The following EYS variants were observed in gnomAD, a reference collection of about 807,000 sequenced individuals.
EYS encodes the protein protein eyes shut homolog.
A neutral mutation model predicts 282.1 loss-of-function variants in EYS; 250 were observed. The ratio of observed to expected loss-of-function variants is 0.89; its 90% CI spans 0.80 to 0.98. The LOEUF is 0.98. Ranked by LOEUF, EYS falls within the 50% of genes least tolerant of loss-of-function variation. EYS has a pLI of 0.00. For synonymous variants in EYS, 1,355 were observed against 1,282.9 expected, an observed-to-expected ratio of 1.06 and a Z score of -1.20; for missense variants, 4,016 against 3,709.0, an observed-to-expected ratio of 1.08 and a Z score of -2.15.
At chr6:65,167,901 T>C (rs1765012548) in intron 12 of EYS, among the ~76,000 whole-genome samples, 1 of 151,418 alleles carries the variant, frequency 6.6e-6, no homozygotes, top group Non-Finnish European at 1.5e-5. Context: ...TTTGGTGTTA[T>C]GTTTCTATAT....
At chr6:64,568,149 A>G (rs1401624311) in intron 26 of EYS, among the ~76,000 whole-genome samples, 1 of 152,230 alleles carries the variant, frequency 6.6e-6, no homozygotes, top group Non-Finnish European at 1.5e-5. Context: ...TCTTCAACTG[A>G]ACACTGATCA....
At position 63,864,311 on chromosome 6, in the gene EYS, T is replaced by C. The variant is rs2149709736; in HGVS notation, c.7103A>G (p.Lys2368Arg). ...FCECPRLYSG[K>R]LCQFASCENN... The stretch of plus-strand genomic sequence containing the variant: ...TTCACAACTTGCAAACTGGCACAGC[T>C]TGCCTGAATACAGCCTTGGACACTC... The change falls in exon 36 of 43, where the codon AAG becomes AGG. Residue 2368 changes from lysine to arginine, a missense_variant. Coordinates refer to ENST00000503581, the MANE Select transcript of EYS (RefSeq NM_001142800.2). 4 of 1,551,734 alleles carry C rather than the reference T, an allele frequency of 2.6e-6. No homozygotes were observed. The highest frequency in any genetic ancestry group is 3.5e-6 in the Non-Finnish European group (4 of 1,146,948).
chr6:63,727,129 A>T (rs1207842465), intron 41 of EYS, among the ~76,000 whole-genome samples: 2 of 152,060 alleles, frequency 1.3e-5, no homozygotes, highest in African/African-American at 4.8e-5. Context: ...TTGAGTCAGG[A>T]TATATTATAA....
chr6:63,732,245 A>G lies in EYS; in HGVS notation c.8072-5565T>C, dbSNP rs541650821. 7.2e-5 allele frequency among the ~76,000 whole-genome samples: 11 copies of G among 152,304 alleles called. No homozygotes were observed. The South Asian group carries it at 2.3e-3, about 32-fold the overall frequency. ...CTAAACCTCAAAAGAAATGAATTTT[A>G]TTAATAGCTCTGACATTGTATGTTT... is the stretch of plus-strand genomic sequence containing the variant. On this transcript the variant is annotated intron_variant, in intron 41 of 42. Coordinates refer to ENST00000503581, the MANE Select transcript of EYS (RefSeq NM_001142800.2).
rs138364169 is a variant in EYS at position 65,326,277 on chromosome 6, A to C, written c.1766+8703T>G. ...TTAAGATATACAAATATTCACTCTC[A>C]TTGTCTTTTAGAAAGCGATAGATTT... On this transcript the variant is annotated intron_variant, in intron 11 of 42. Coordinates refer to ENST00000503581, the MANE Select transcript of EYS (RefSeq NM_001142800.2). Among the ~76,000 whole-genome samples, 43 of 151,914 alleles carry C rather than the reference A, an allele frequency of 2.8e-4. No homozygotes were observed. The East Asian group carries it at 8.1e-3, about 29-fold the overall frequency.
intron 22 of EYS, among the ~76,000 whole-genome samples, chr6:64,776,687 T>A (rs1013485474): frequency 2.6e-5 from 4 of 152,074 alleles, no homozygotes; most frequent in Admixed American, 2.6e-4. Context: ...ATATTTCAAA[T>A]AAAAATGTAA....
rs1046057445 is a variant in EYS, at chr6:65,001,885, T to C, written c.2138-4182A>G. On this transcript the variant is annotated intron_variant, in intron 13 of 42. Coordinates refer to ENST00000503581, the MANE Select transcript of EYS (RefSeq NM_001142800.2). ...CCAAAATATATTATGAATGATTATA[T>C]TATGAAATACATTAATATATTAAGT... Among the ~76,000 whole-genome samples, 3 of 147,306 alleles carry C rather than the reference T, an allele frequency of 2.0e-5. 1 individual carries two copies. The highest frequency in any genetic ancestry group is 4.6e-5 in the Non-Finnish European group (3 of 65,930).
intron 2 of EYS, among the ~76,000 whole-genome samples, chr6:65,525,295 G>T (rs1011230656): frequency 1.3e-5 from 2 of 152,004 alleles, no homozygotes; most frequent in Non-Finnish European, 2.9e-5. Context: ...ATCATCCTCT[G>T]CAGAGGTCAC....
At chr6:64,325,029 G>T (rs115959742) in intron 29 of EYS, among the ~76,000 whole-genome samples, 2,464 of 152,202 alleles carry the variant, frequency 0.016, 50 homozygotes, top group Non-Finnish European at 0.02. Context: ...CACTGAAATT[G>T]CCCAAAGAAA....
chr6:64,886,124 A>G (rs1767077398), intron 19 of EYS, among the ~76,000 whole-genome samples: 1 of 151,930 alleles, frequency 6.6e-6, no homozygotes, highest in Non-Finnish European at 1.5e-5. Context: ...AACTAAAACA[A>G]TATAGCTATT....
chr6:64,142,746 C>T lies in EYS; in HGVS notation c.6425-60744G>A, dbSNP rs116465337. ...ACAGAACTGTTATGTTGCTTCACTTCAAGCAGGAAATGATGAGAGCCTAAA... is the reference window on the plus strand; with the variant it reads ...ACAGAACTGTTATGTTGCTTCACTTTAAGCAGGAAATGATGAGAGCCTAAA... On this transcript the variant is annotated intron_variant, in intron 31 of 42. Transcript: ENST00000503581. 2.9e-3 allele frequency among the ~76,000 whole-genome samples: 446 copies of T among 152,178 alleles called. 3 individuals carry two copies. The highest frequency in any genetic ancestry group is 0.01 in the African/African-American group (426 of 41,550).
At chr6:64,632,541 T>C (rs1325073946) in intron 22 of EYS, among the ~76,000 whole-genome samples, 3 of 152,260 alleles carry the variant, frequency 2.0e-5, no homozygotes, top group Non-Finnish European at 4.4e-5. Context: ...AACCAAACCA[T>C]TTTACACTTC....
At chr6:64,481,297 T>A (rs866539426) in intron 26 of EYS, among the ~76,000 whole-genome samples, 51 of 143,490 alleles carry the variant, frequency 3.6e-4, no homozygotes, top group South Asian at 1.5e-3. Flanking sequence ...TATATATATA[T>A]AATTAGAGAG....
intron 19 of EYS, among the ~76,000 whole-genome samples, chr6:64,881,298 G>A (rs1766911502): frequency 6.6e-6 from 1 of 151,804 alleles, no homozygotes; most frequent in Non-Finnish European, 1.5e-5. Flanking sequence ...ATGAGAACAA[G>A]TTATTGATTG....
At chr6:64,374,438 G>A (rs1772499266) in intron 29 of EYS, among the ~76,000 whole-genome samples, 1 of 152,014 alleles carries the variant, frequency 6.6e-6, no homozygotes, top group Admixed American at 6.5e-5. Context: ...AGGGGAGCTG[G>A]GGGATTTTCT....
intron 2 of EYS, among the ~76,000 whole-genome samples, chr6:65,596,875 A>AT (rs1765427690): frequency 6.6e-6 from 1 of 152,084 alleles, no homozygotes; most frequent in Admixed American, 6.6e-5. Context: ...GGATGATAAG[A>AT]TTTTTGTTTC....
intron 2 of EYS, among the ~76,000 whole-genome samples, chr6:65,556,578 G>T (rs1768812363): frequency 6.6e-6 from 1 of 152,100 alleles, no homozygotes; most frequent in Non-Finnish European, 1.5e-5. Context: ...TGTCCAGTAT[G>T]TGCTTCTCTA....
intron 10 of EYS, among the ~76,000 whole-genome samples, chr6:65,343,529 GA>G (rs1381335028): frequency 1.3e-5 from 2 of 151,106 alleles, no homozygotes; most frequent in Non-Finnish European, 3.0e-5. Context: ...GGGATAAAAG[GA>G]GGGCCTCTCT....
intron 19 of EYS, among the ~76,000 whole-genome samples, chr6:64,886,014 T>G (rs1025563888): frequency 1.3e-5 from 2 of 151,840 alleles, no homozygotes; most frequent in Non-Finnish European, 2.9e-5. Flanking sequence ...AATACATTAT[T>G]GTAATCTCTG....
Sources: gnomAD v4.1 joint callset for allele counts (sites outside exome capture counted in the v4.1 genomes callset) on GRCh38, gnomAD v4.1.1 for gene constraint, MANE v1.5 for transcripts, NCBI Gene and HGNC (gene_info 2026-07-23, HGNC 2026-07-21) for gene names.